The following CMPK1 variants were observed in gnomAD, a reference collection of about 807,000 sequenced individuals.
CMPK1 encodes cytidine/uridine monophosphate kinase 1, also known as UMP-CMP kinase.
A neutral mutation model predicts 25.7 loss-of-function variants in CMPK1; 10 were observed. The observed-to-expected ratio is 0.39, with a 90% CI of 0.24 to 0.66. CMPK1 has a LOEUF of 0.66. CMPK1 is among the 30% of genes least tolerant of loss of function. The pLI is 0.48. For synonymous variants in CMPK1, 106 were observed against 101.5 expected, an observed-to-expected ratio of 1.04 and a Z score of -0.27; for missense variants, 199 against 280.5, an observed-to-expected ratio of 0.71 and a Z score of 2.08.
chr1:47,350,624 G>A (rs1202934947), intron 1 of CMPK1, among the ~76,000 whole-genome samples: 2 of 152,268 alleles, frequency 1.3e-5, no homozygotes, highest in Middle Eastern at 3.4e-3. Flanking sequence ...GCCAGGTGCC[G>A]TGGCTTATGC....
intron 1 of CMPK1, among the ~76,000 whole-genome samples, chr1:47,351,303 T>C (rs1646521166): frequency 6.6e-6 from 1 of 152,120 alleles, no homozygotes; most frequent in African/African-American, 2.4e-5. Flanking sequence ...GTGGTCTCGA[T>C]CTCCTGACCT....
intron 1 of CMPK1, among the ~76,000 whole-genome samples, chr1:47,364,298 G>GTTTGT (rs1236893818): frequency 2.6e-5 from 4 of 151,764 alleles, no homozygotes; most frequent in Admixed American, 2.0e-4. Flanking sequence ...TTTTTTGTTT[G>GTTTGT]TTTGTTTTGT....
chr1:47,369,933 G>A (rs1486717148), intron 2 of CMPK1, among the ~76,000 whole-genome samples: 1 of 133,070 alleles, frequency 7.5e-6, no homozygotes, highest in Non-Finnish European at 1.6e-5. Context: ...TTTTGGCGGG[G>A]AGACGGAGTT....
chr1:47,366,839 C>T (rs896372560), intron 1 of CMPK1, among the ~76,000 whole-genome samples: 11 of 152,230 alleles, frequency 7.2e-5, no homozygotes, highest in African/African-American at 2.2e-4. Flanking sequence ...ATTCTCCTGC[C>T]TCAGCCTCCT....
intron 1 of CMPK1, among the ~76,000 whole-genome samples, chr1:47,367,354 C>T (rs1414664840): frequency 1.3e-5 from 2 of 152,160 alleles, no homozygotes; most frequent in Admixed American, 1.3e-4. Context: ...ACAAATTTAA[C>T]CAGCAATTTC....
Position 47,376,970 on chromosome 1 carries a change from C to A in CMPK1, c.*225C>A. The A allele has an allele frequency of 2.7e-6, 1 of 370,908 alleles. No individual in the cohort carries two copies. The highest frequency in any genetic ancestry group is 4.8e-6 in the Non-Finnish European group (1 of 206,876). 23.0% of individuals were successfully genotyped at this position (370,908 alleles called of 1,614,324 possible). ...CACCTTAGTTATGGTGCTCACCAAA[C>A]GAAGGGTATCAGCTATTTTTTTTAA... On this transcript the variant is annotated 3_prime_UTR_variant, in exon 6 of 6. Coordinates refer to ENST00000371873, the MANE Select transcript of CMPK1 (RefSeq NM_016308.3).
intron 1 of CMPK1, among the ~76,000 whole-genome samples, chr1:47,354,341 A>T (rs1646543555): frequency 6.6e-6 from 1 of 151,844 alleles, no homozygotes; most frequent in South Asian, 2.1e-4. Context: ...TAGATAGATA[A>T]AGATGTATGG....
intron 1 of CMPK1, chr1:47,358,430 G>A (rs1570368415): frequency 8.3e-6 from 10 of 1,202,508 alleles, no homozygotes; most frequent in Non-Finnish European, 1.1e-5. Context: ...TTAGAAGTTT[G>A]TTCTTCAAGA....
Position 47,338,024 on chromosome 1 carries a change from AAT to A in CMPK1, c.171+3909_171+3910del, listed in dbSNP as rs534836999. Among the ~76,000 whole-genome samples the A allele has an allele frequency of 2.4e-4, 37 of 152,258 alleles. No individual in the cohort carries two copies. In the East Asian group the frequency reaches 6.2e-3, roughly 25 times the overall value. ...GCAATTATAAACTAAATTCCAAAAT[AAT>A]GTAAGTTTTGGAGGTTTTTTTCCTG... is the stretch of plus-strand genomic sequence containing the variant. On this transcript the variant is annotated intron_variant, in intron 1 of 5. Coordinates refer to ENST00000371873, the MANE Select transcript of CMPK1 (RefSeq NM_016308.3).
At chr1:47,372,914 TGTTA>T in intron 2 of CMPK1, 37 bp from the exon 3 acceptor site, 1 of 1,542,040 alleles carries the variant, frequency 6.5e-7, no homozygotes, top group Non-Finnish European at 8.7e-7. Context: ...AATTTCATTT[TGTTA>T]ATGTTGTATT....
At chr1:47,344,272 G>A (rs1340365591) in intron 1 of CMPK1, among the ~76,000 whole-genome samples, 6 of 152,218 alleles carry the variant, frequency 3.9e-5, no homozygotes, top group South Asian at 2.1e-4. Context: ...AGGAGGTGAT[G>A]TGTATGAGCT....
chr1:47,367,494 G>T (rs572815576), intron 1 of CMPK1, among the ~76,000 whole-genome samples: 2 of 152,284 alleles, frequency 1.3e-5, no homozygotes, highest in East Asian at 3.9e-4. Context: ...TAAAAAGGGG[G>T]TTGGGAGTGT....
intron 1 of CMPK1, among the ~76,000 whole-genome samples, chr1:47,338,951 C>A (rs537869038): frequency 1.3e-5 from 2 of 152,122 alleles, no homozygotes; most frequent in East Asian, 3.9e-4. Context: ...AATATTTAAA[C>A]CTCTCTTTTA....
intron 1 of CMPK1, among the ~76,000 whole-genome samples, chr1:47,347,976 C>T (rs1396486704): frequency 6.6e-6 from 1 of 152,152 alleles, no homozygotes; most frequent in Non-Finnish European, 1.5e-5. Context: ...CACTTAGTGT[C>T]ACATTGACTA....
At chr1:47,363,195 C>T (rs961518732) in intron 1 of CMPK1, among the ~76,000 whole-genome samples, 3 of 152,150 alleles carry the variant, frequency 2.0e-5, no homozygotes, top group Non-Finnish European at 2.9e-5. Flanking sequence ...TTTCAGTTTA[C>T]GATGGATTTG....
At chr1:47,364,986 T>C (rs867837071) in intron 1 of CMPK1, among the ~76,000 whole-genome samples, 61 of 152,224 alleles carry the variant, frequency 4.0e-4, no homozygotes, top group Admixed American at 1.6e-3. Flanking sequence ...GTCTTGAGCG[T>C]CTGACCTCAA....
In CMPK1 at chr1:47,374,962, C is replaced by T; in HGVS notation, c.525C>T (p.Asp175=). The change falls in exon 4 of 6, where the codon GAC becomes GAT. Residue 175 remains aspartate, a synonymous_variant. Transcript: ENST00000371873. The stretch of plus-strand genomic sequence containing the variant: ...GAAAGAGTAGTGGTAGGAGTGATGA[C>T]AACAGAGAGAGCTTGGAAAAGAGGT... ...ERGKSSGRSD[D]NRESLEKRIQ... is the part of the protein sequence containing the mutation. The T allele has an allele frequency of 6.2e-7, 1 of 1,612,834 alleles. No individual in the cohort carries two copies. Among genetic ancestry groups the T allele is most frequent in the Non-Finnish European group, 8.5e-7 (1 of 1,179,386 alleles).
At position 47,378,411 on chromosome 1, in the gene CMPK1, A is replaced by G. The variant is rs1282070491; in HGVS notation, c.*1666A>G. 1 of 152,212 alleles carries G rather than the reference A, an allele frequency of 6.6e-6. No homozygotes were observed. Among genetic ancestry groups the G allele is most frequent in the African/African-American group, 2.4e-5 (1 of 41,458 alleles). 9.4% of individuals were successfully genotyped at this position (152,212 alleles called of 1,614,324 possible). A position where few individuals can be genotyped will look rare whatever the true frequency, so the allele number is the denominator to read the frequency against. On this transcript the variant is annotated 3_prime_UTR_variant, in exon 6 of 6. Coordinates refer to ENST00000371873, the MANE Select transcript of CMPK1 (RefSeq NM_016308.3). Reference sequence around the variant, plus strand: ...TTTCGAGAGCATTCCTACTCACATAAGTGAAGAAATCTGTCAGATAGGAAT... The same window carrying G: ...TTTCGAGAGCATTCCTACTCACATAGGTGAAGAAATCTGTCAGATAGGAAT...
At chr1:47,362,393 C>A (rs1646609898) in intron 1 of CMPK1, among the ~76,000 whole-genome samples, 1 of 150,854 alleles carries the variant, frequency 6.6e-6, no homozygotes, top group Non-Finnish European at 1.5e-5. Flanking sequence ...GTCTTGAACT[C>A]CTGACCTCAG....
Sources: allele counts gnomAD v4.1 joint callset (sites outside exome capture counted in the v4.1 genomes callset), GRCh38; gene constraint gnomAD v4.1.1; transcripts MANE v1.5; gene names NCBI Gene and HGNC (gene_info 2026-07-23, HGNC 2026-07-21).